Variants in PTPRG observed in about 807,000 individuals in gnomAD.
PTPRG encodes the protein protein tyrosine phosphatase receptor type G, also known as receptor-type tyrosine-protein phosphatase gamma.
Under a neutral mutation model 165.3 loss-of-function variants are expected in PTPRG, and 102 were observed. The observed-to-expected ratio is 0.62, with a 90% CI of 0.53 to 0.73. The LOEUF is 0.73. PTPRG is among the 30% of genes least tolerant of loss of function. The pLI, the probability that PTPRG is intolerant of heterozygous loss-of-function variation, is 0.00. For synonymous variants in PTPRG, 675 were observed against 669.5 expected, an observed-to-expected ratio of 1.01 and a Z score of -0.13; for missense variants, 1,866 against 1,861.4, an observed-to-expected ratio of 1.00 and a Z score of -0.05.
intron 15 of PTPRG, 50 bp downstream of exon 15, chr3:62,243,948 T>C (rs1331088006): frequency 8.7e-7 from 1 of 1,149,894 alleles, no homozygotes; most frequent in South Asian, 1.3e-5. Context: ...TTTTTCTCTT[T>C]TATTCTCAGT....
chr3:62,133,651 A>C (rs936843215), intron 6 of PTPRG, among the ~76,000 whole-genome samples: 1 of 152,170 alleles, frequency 6.6e-6, no homozygotes, highest in Non-Finnish European at 1.5e-5. Flanking sequence ...AGTGTAGAAA[A>C]ATAGGGTTAC....
At chr3:62,011,364 T>G (rs1049859194) in intron 4 of PTPRG, among the ~76,000 whole-genome samples, 3 of 152,212 alleles carry the variant, frequency 2.0e-5, no homozygotes, top group Admixed American at 2.0e-4. Flanking sequence ...GTTAACTCCT[T>G]TCATAGAGTC....
chr3:62,151,913 G>A (rs1335770340), intron 6 of PTPRG, among the ~76,000 whole-genome samples: 2 of 152,048 alleles, frequency 1.3e-5, no homozygotes, highest in Non-Finnish European at 2.9e-5. Context: ...GAACCTCCTT[G>A]TAATGTCAGT....
chr3:61,908,430 A>C (rs902637456), intron 2 of PTPRG, among the ~76,000 whole-genome samples: 1 of 151,798 alleles, frequency 6.6e-6, no homozygotes, highest in Non-Finnish European at 1.5e-5. Flanking sequence ...AAAAAAAAAA[A>C]AAAATCAGTT....
intron 2 of PTPRG, among the ~76,000 whole-genome samples, chr3:61,887,170 A>ATTTTTTTTTTT (rs869308871): frequency 8.7e-6 from 1 of 115,534 alleles, no homozygotes; most frequent in African/African-American, 3.3e-5. Context: ...ATATATATAT[A>ATTTTTTTTTTT]TTTTTAATGC....
chr3:61,619,420 G>A (rs112748417), intron 1 of PTPRG, among the ~76,000 whole-genome samples: 2 of 152,104 alleles, frequency 1.3e-5, no homozygotes, highest in African/African-American at 4.8e-5. Context: ...AAGCATTTTC[G>A]ACTGTCAGGA....
chr3:62,189,684 T>TCACAGGCCCCCTCCTCCA (rs1321486805), intron 8 of PTPRG, among the ~76,000 whole-genome samples: 38 of 152,232 alleles, frequency 2.5e-4, no homozygotes, highest in Admixed American at 4.6e-4. Context: ...CCGCCCCTCC[T>TCACAGGCCCCCTCCTCCA]CACAGGCCCC....
At chr3:61,964,001 C>A (rs2040213958) in intron 2 of PTPRG, among the ~76,000 whole-genome samples, 1 of 152,190 alleles carries the variant, frequency 6.6e-6, no homozygotes, top group African/African-American at 2.4e-5. Context: ...TAACAGTATT[C>A]TTTCAGATAG....
chr3:62,078,437 A>T (rs1701463177), intron 5 of PTPRG, among the ~76,000 whole-genome samples, 179 bp downstream of exon 5: 1 of 152,240 alleles, frequency 6.6e-6, no homozygotes, highest in Admixed American at 6.5e-5. Flanking sequence ...TAGAAACATA[A>T]TGAAAATTTT....
intron 1 of PTPRG, among the ~76,000 whole-genome samples, chr3:61,728,734 C>T (rs1237060874): frequency 6.6e-6 from 1 of 151,736 alleles, no homozygotes; most frequent in Non-Finnish European, 1.5e-5. Flanking sequence ...TTTGAAAACC[C>T]ATATGCTTAA....
At chr3:61,903,276 C>T (rs1345607408) in intron 2 of PTPRG, among the ~76,000 whole-genome samples, 1 of 152,222 alleles carries the variant, frequency 6.6e-6, no homozygotes, top group East Asian at 1.9e-4. Flanking sequence ...TAATTTACCA[C>T]CTCAGGCTTT....
chr3:61,647,336 A>T (rs1702225717), intron 1 of PTPRG, among the ~76,000 whole-genome samples: 1 of 152,326 alleles, frequency 6.6e-6, no homozygotes, highest in South Asian at 2.1e-4. Flanking sequence ...CAGATATTAT[A>T]CTAAGCACCA....
intron 2 of PTPRG, among the ~76,000 whole-genome samples, chr3:61,779,159 C>T (rs772742461): frequency 6.6e-5 from 10 of 152,156 alleles, no homozygotes; most frequent in African/African-American, 1.2e-4. Context: ...TCATGTTGCT[C>T]TTTTGAGATA....
Position 62,250,685 on chromosome 3 carries a change from C to T in PTPRG, c.2468-4439C>T, listed in dbSNP as rs369954940. The stretch of plus-strand genomic sequence containing the variant: ...TAGATTTTGGAAACAGCTTTATGTT[C>T]GAATGCCATTGTTCTTTATTGCCTA... On this transcript the variant is annotated intron_variant, in intron 15 of 29. Transcript: ENST00000474889. Among the ~76,000 whole-genome samples the T allele has an allele frequency of 3.0e-3, 463 of 152,226 alleles. 2 individuals carry two copies. The highest frequency in any genetic ancestry group is 0.01 in the African/African-American group (431 of 41,548).
intron 3 of PTPRG, among the ~76,000 whole-genome samples, chr3:61,996,584 AAT>A (rs769212072): frequency 5.9e-5 from 9 of 152,220 alleles, no homozygotes; most frequent in Non-Finnish European, 8.8e-5. Context: ...GGGCGTGTCT[AAT>A]ATAAACAGTG....
intron 2 of PTPRG, among the ~76,000 whole-genome samples, chr3:61,890,541 A>G (rs2038184280): frequency 6.6e-6 from 1 of 151,696 alleles, no homozygotes; most frequent in African/African-American, 2.4e-5. Context: ...AAGAACAAAC[A>G]TTCCTTGAAG....
At chr3:62,093,852 TAG>T (rs1010190144) in intron 5 of PTPRG, among the ~76,000 whole-genome samples, 3 of 151,988 alleles carry the variant, frequency 2.0e-5, no homozygotes, top group African/African-American at 7.3e-5. Context: ...TAGCTGGGGG[TAG>T]AGAGGGAAGA....
At chr3:62,086,824 G>T (rs746453837) in intron 5 of PTPRG, among the ~76,000 whole-genome samples, 4 of 152,184 alleles carry the variant, frequency 2.6e-5, no homozygotes, top group Non-Finnish European at 5.9e-5. Context: ...GAATAGATTT[G>T]TGGATGTACA....
intron 1 of PTPRG, among the ~76,000 whole-genome samples, chr3:61,747,089 C>A (rs2033236204): frequency 6.6e-6 from 1 of 151,456 alleles, no homozygotes; most frequent in South Asian, 2.1e-4. Flanking sequence ...TGCTACTGCA[C>A]TCCAGCCTGT....
Sources: gnomAD v4.1 joint callset for allele counts (sites outside exome capture counted in the v4.1 genomes callset) on GRCh38, gnomAD v4.1.1 for gene constraint, MANE v1.5 for transcripts, NCBI Gene and HGNC (gene_info 2026-07-23, HGNC 2026-07-21) for gene names.